SATB2: variants seen among roughly 807,000 people sequenced by gnomAD.
SATB2 encodes the protein DNA-binding protein SATB2.
In SATB2, 1 loss-of-function variant was observed where a neutral mutation model predicts 73.4. The observed-to-expected ratio is 0.01, with a 90% CI of 0.00 to 0.06. The LOEUF is 0.06. Among genes scored for constraint, SATB2 ranks in the 10% least tolerant of loss-of-function variants. The probability of loss-of-function intolerance (pLI) is 1.00; values close to 1 mark genes in which losing one functional copy is unlikely to be tolerated. For synonymous variants in SATB2, 397 were observed against 367.0 expected (o/e 1.08, Z -0.93); for missense variants, 459 against 945.8 (o/e 0.49, Z 6.75).
upstream of SATB2, among the ~76,000 whole-genome samples, chr2:199,462,339 G>C (rs1692494181): frequency 6.6e-6 from 1 of 152,186 alleles, no homozygotes; most frequent in Non-Finnish European, 1.5e-5. This position sits in a 1 kb window ranked among gnomAD's most constrained non-coding sequence, Gnocchi z 5.9. Flanking sequence ...GCCGCGGACT[G>C]TCCGTGGAGA....
intron 10 of SATB2, among the ~76,000 whole-genome samples, chr2:199,273,540 T>C (rs1242857725): frequency 6.6e-6 from 1 of 152,218 alleles, no homozygotes; most frequent in East Asian, 1.9e-4. Context: ...CTTTTAGTTC[T>C]AGTTTTGAGT....
At chr2:199,324,049 G>A in intron 8 of SATB2, 91 bp from the exon 9 acceptor site, 1 of 1,316,640 alleles carries the variant, frequency 7.6e-7, no homozygotes, top group Non-Finnish European at 1.1e-6. Context: ...TCAGTCAGCT[G>A]ATGCCAAACT....
chr2:199,426,692 C>CAAAAAAAAAAAAAAAAAAAAAAAAA (rs200293007), intron 3 of SATB2, among the ~76,000 whole-genome samples: 4 of 128,270 alleles, frequency 3.1e-5, no homozygotes, highest in African/African-American at 1.3e-4. Flanking sequence ...CATTCTCTCT[C>CAAAAAAAAAAAAAAAAAAAAAAAAA]AAAAAAAAAA....
At chr2:199,285,012 T>C (rs1692643864) in intron 10 of SATB2, among the ~76,000 whole-genome samples, 1 of 152,128 alleles carries the variant, frequency 6.6e-6, no homozygotes, top group Admixed American at 6.5e-5. Flanking sequence ...TTTTGTTATC[T>C]GCAAGAAGTT....
intron 10 of SATB2, among the ~76,000 whole-genome samples, chr2:199,293,447 GA>G (rs1230706346): frequency 6.6e-6 from 1 of 151,106 alleles, no homozygotes; most frequent in Non-Finnish European, 1.5e-5. Context: ...GGGGCAACAG[GA>G]AAAAAAGGGG....
At chr2:199,386,999 T>C (rs956277798) in intron 3 of SATB2, among the ~76,000 whole-genome samples, 14 of 152,202 alleles carry the variant, frequency 9.2e-5, no homozygotes, top group Admixed American at 2.6e-4. Flanking sequence ...CTTGGTTGGT[T>C]TGTATACCTT....
chr2:199,303,265 T>C (rs533565345), intron 10 of SATB2, among the ~76,000 whole-genome samples: 63 of 152,232 alleles, frequency 4.1e-4, no homozygotes, highest in African/African-American at 1.4e-3. Flanking sequence ...AACCACCCCT[T>C]TGGTTGTTCA....
intron 9 of SATB2, among the ~76,000 whole-genome samples, chr2:199,315,759 C>A (rs571663709): frequency 3.3e-4 from 50 of 152,178 alleles, no homozygotes; most frequent in Non-Finnish European, 5.7e-4. Context: ...GAGTTAATAA[C>A]TTTACCCCTG....
chr2:199,407,631 G>A (rs1324424049), intron 3 of SATB2, among the ~76,000 whole-genome samples: 2 of 152,124 alleles, frequency 1.3e-5, no homozygotes, highest in African/African-American at 4.8e-5. Flanking sequence ...AAAGAAAGTG[G>A]AGGCAAAACT....
chr2:199,386,689 T>A (rs968948585), intron 3 of SATB2, among the ~76,000 whole-genome samples: 1 of 36,856 alleles, frequency 2.7e-5, no homozygotes, highest in Non-Finnish European at 4.2e-5. Context: ...TTCATACACG[T>A]GCGCAAGCGC....
At chr2:199,344,499 A>G (rs894813919) in intron 7 of SATB2, among the ~76,000 whole-genome samples, 1 of 152,222 alleles carries the variant, frequency 6.6e-6, no homozygotes, top group Non-Finnish European at 1.5e-5. Context: ...CTCATTTTCA[A>G]GTGATGTTAA....
At chr2:199,319,722 T>C (rs554834771) in intron 9 of SATB2, among the ~76,000 whole-genome samples, 81 of 151,236 alleles carry the variant, frequency 5.4e-4, no homozygotes, top group Admixed American at 9.2e-4. Flanking sequence ...TCTTCGGGTA[T>C]ACAAATAATA....
Position 199,381,838 on chromosome 2 carries a change from A to C in SATB2, c.347-18T>G, listed in dbSNP as rs556945453. On this transcript the variant is annotated intron_variant, in intron 3 of 10. Transcript: ENST00000417098. ...GATTATTCCTGCACAGGGAAGAAAA[A>C]CATAATAAACACATATCTGCTATTT... The C allele has an allele frequency of 6.2e-7, 1 of 1,613,618 alleles. No homozygotes were observed. Among genetic ancestry groups the C allele is most frequent in the African/African-American group, 1.3e-5 (1 of 75,024 alleles).
At position 199,368,627 on chromosome 2, in the gene SATB2, A is replaced by G. The variant is rs1343304994; in HGVS notation, c.678T>C (p.Tyr226=). The G allele has an allele frequency of 2.5e-6, 4 of 1,605,342 alleles. No individual in the cohort carries two copies. In the Admixed American group the frequency reaches 5.0e-5, roughly 20 times the overall value. Reference sequence around the variant, plus strand: ...TACCTTTAATCTTCTTGTACTTTTTATACCATCTCCCAAACTCCTGGCACT... The same window carrying G: ...TACCTTTAATCTTCTTGTACTTTTTGTACCATCTCCCAAACTCCTGGCACT... The part of the protein sequence containing the change: ...ATKCQEFGRW[Y]KKYKKIKVER... Residue 226 remains tyrosine (Y), a synonymous_variant, in exon 6 of 11, where the codon TAT becomes TAC. Coordinates refer to ENST00000417098, the MANE Select transcript of SATB2 (RefSeq NM_001172509.2).
chr2:199,288,963 C>T (rs1692767440), intron 10 of SATB2, among the ~76,000 whole-genome samples: 1 of 152,152 alleles, frequency 6.6e-6, no homozygotes. Context: ...CAAGTGAGAG[C>T]TTATCAGACA....
intron 3 of SATB2, among the ~76,000 whole-genome samples, chr2:199,409,219 G>GTACAA (rs1559037001): frequency 2.1e-5 from 3 of 141,044 alleles, no homozygotes; most frequent in Non-Finnish European, 3.0e-5. Flanking sequence ...GTGCAGGCTA[G>GTACAA]AGTACAATGG....
intron 5 of SATB2, among the ~76,000 whole-genome samples, chr2:199,375,619 T>C (rs977189977): frequency 1.3e-5 from 2 of 152,222 alleles, no homozygotes; most frequent in East Asian, 3.9e-4. Context: ...CCCTTTGTAA[T>C]TGCCAAACTC....
intron 6 of SATB2, among the ~76,000 whole-genome samples, chr2:199,367,827 T>A (rs982497659): frequency 6.6e-6 from 1 of 152,080 alleles, no homozygotes; most frequent in African/African-American, 2.4e-5. Flanking sequence ...ACCACTGACA[T>A]ATTTGAAATG....
At chr2:199,286,685 G>C (rs1428382118) in intron 10 of SATB2, among the ~76,000 whole-genome samples, 4 of 152,030 alleles carry the variant, frequency 2.6e-5, no homozygotes, top group African/African-American at 9.7e-5. Context: ...AGTATTCTCA[G>C]AACACAAAAC....
Sources: allele counts gnomAD v4.1 joint callset (sites outside exome capture counted in the v4.1 genomes callset), GRCh38; gene constraint gnomAD v4.1.1; non-coding constraint Gnocchi (gnomAD v3.1); transcripts MANE v1.5; gene names NCBI Gene and HGNC (gene_info 2026-07-23, HGNC 2026-07-21).